DAB2IP: variants seen among roughly 807,000 people sequenced by gnomAD.
The protein encoded by DAB2IP is disabled homolog 2-interacting protein.
A neutral mutation model predicts 107.2 loss-of-function variants in DAB2IP; 28 were observed. That is an observed-to-expected ratio of 0.26 (90% CI 0.19 to 0.36). The LOEUF is 0.36. Among genes scored for constraint, DAB2IP ranks in the 10% least tolerant of loss-of-function variants. DAB2IP has a pLI of 1.00. For synonymous variants in DAB2IP, 755 were observed against 706.4 expected (o/e 1.07, Z -1.09); for missense variants, 1,400 against 1,644.7 (o/e 0.85, Z 2.57).
chr9:121,685,313 G>C (rs1020952378), intron 2 of DAB2IP, among the ~76,000 whole-genome samples: 3 of 152,206 alleles, frequency 2.0e-5, no homozygotes, highest in Non-Finnish European at 2.9e-5. Flanking sequence ...GGAGTTGTCC[G>C]GGGTGGCCAG....
chr9:121,646,812 C>T (rs1314358809), upstream of DAB2IP, among the ~76,000 whole-genome samples: 3 of 152,242 alleles, frequency 2.0e-5, no homozygotes, highest in East Asian at 3.9e-4. Context: ...CTCTGCATTC[C>T]GTACTGCTCA....
chr9:121,783,439 A>T, exon 16 of DAB2IP: 1 of 1,611,022 alleles, frequency 6.2e-7, no homozygotes, highest in East Asian at 2.2e-5. Flanking sequence ...CCCTGAAAGA[A>T]AAGGTGATCC....
At chr9:121,613,179 C>T (rs568932228) in intron 1 of DAB2IP, among the ~76,000 whole-genome samples, 2 of 152,314 alleles carry the variant, frequency 1.3e-5, no homozygotes, top group East Asian at 1.9e-4. Flanking sequence ...TTTGAGGCTT[C>T]GGTGAGGTAA....
chr9:121,581,986 G>A (rs1830203350), intron 1 of DAB2IP, among the ~76,000 whole-genome samples: 1 of 152,204 alleles, frequency 6.6e-6, no homozygotes, highest in South Asian at 2.1e-4. Context: ...GCTGCCGGCT[G>A]GAACAAAAGA....
intron 1 of DAB2IP, among the ~76,000 whole-genome samples, chr9:121,585,857 A>AC: frequency 6.6e-6 from 1 of 151,148 alleles, no homozygotes; most frequent in South Asian, 2.1e-4. Context: ...TAAAAAAAAA[A>AC]ATAGAATGGG....
rs1832009516 is a variant in DAB2IP at position 121,634,510 on chromosome 9, G to C, written c.41-44168G>C. On this transcript the variant is annotated intron_variant, in intron 1 of 16. Coordinates refer to the DAB2IP transcript ENST00000259371. This position sits in a 1 kb window ranked among gnomAD's most constrained non-coding sequence, Gnocchi z 4.7. ...GGTGTCCCCTTGTGCCTAGAAAGCA[G>C]CCTCACTCCAGCACAAGCCTGGGCA... is the stretch of plus-strand genomic sequence containing the variant. Among the ~76,000 whole-genome samples, 1 of 152,196 alleles carries C rather than the reference G, an allele frequency of 6.6e-6. No homozygotes were observed. Among genetic ancestry groups the C allele is most frequent in the African/African-American group, 2.4e-5 (1 of 41,438 alleles).
intron 3 of DAB2IP, among the ~76,000 whole-genome samples, chr9:121,734,309 G>T (rs1038151691): frequency 6.7e-6 from 1 of 150,258 alleles, no homozygotes; most frequent in Non-Finnish European, 1.5e-5. Flanking sequence ...CCCAGGAAGC[G>T]GAGCTTGCAG....
At position 121,759,645 on chromosome 9, in the gene DAB2IP, A is replaced by G. The variant is rs555923371; in HGVS notation, c.616-240A>G. 2.0e-5 allele frequency among the ~76,000 whole-genome samples: 3 copies of G among 152,288 alleles called. No individual in the cohort carries two copies. In the South Asian group the frequency reaches 6.2e-4, roughly 32 times the overall value. ...TTACCTTAGTGCCGTTTCATAGACA[A>G]GCAACCCAAGGCTCCAGTTAAGTTG... is the stretch of plus-strand genomic sequence containing the variant. On this transcript the variant is annotated intron_variant, in intron 5 of 15. Transcript: ENST00000408936.
chr9:121,734,115 C>T (rs1306342873), intron 3 of DAB2IP, among the ~76,000 whole-genome samples: 4 of 140,670 alleles, frequency 2.8e-5, no homozygotes, highest in Admixed American at 2.0e-4. Context: ...CGGTGGCTCA[C>T]GCCTGTAATC....
At chr9:121,571,989 G>T (rs1213414079) in intron 1 of DAB2IP, among the ~76,000 whole-genome samples, 1 of 135,672 alleles carries the variant, frequency 7.4e-6, no homozygotes, top group Admixed American at 7.2e-5. Flanking sequence ...GTGACGGCCA[G>T]ACAAGATGTG....
chr9:121,600,099 C>T (rs1397674855), intron 1 of DAB2IP, among the ~76,000 whole-genome samples: 9 of 152,014 alleles, frequency 5.9e-5, no homozygotes, highest in Non-Finnish European at 2.9e-5. Flanking sequence ...GGCCCGCGGG[C>T]GGCGGGAGTT....
At position 121,689,992 on chromosome 9, in the gene DAB2IP, G is replaced by A. The variant is rs569202189; in HGVS notation, c.229-9333G>A. On this transcript the variant is annotated intron_variant, in intron 2 of 15. Transcript: ENST00000408936. The stretch of plus-strand genomic sequence containing the variant: ...CAGCTCTGCCGCTTCCTGACCGTGC[G>A]GTGCTGTGCAAATTAGTTGCCCTTT... 2.0e-5 allele frequency among the ~76,000 whole-genome samples: 3 copies of A among 152,290 alleles called. No individual in the cohort carries two copies. In the South Asian group the frequency reaches 6.2e-4, roughly 32 times the overall value.
chr9:121,648,437 A>G (rs1459750347), upstream of DAB2IP, among the ~76,000 whole-genome samples: 2 of 151,314 alleles, frequency 1.3e-5, no homozygotes, highest in Admixed American at 1.3e-4. Flanking sequence ...GGGGGCTGAA[A>G]TGGGTTGGGG....
chr9:121,699,439 GCCGCCGCGGACAATGAGAGGTGAGC>G lies in DAB2IP; in HGVS notation c.351_362+13del. ...GCCGGGGTTCCGGAGCGCCGCCGCCGCCGCCGCGGACAATGAGAGGTGAGCCCGCCGCCGCCGCCCGGTCCCCCGC... is the reference window on the plus strand; with the variant it reads ...GCCGGGGTTCCGGAGCGCCGCCGCCGCCGCCGCCGCCGCCCGGTCCCCCGC... On this transcript the variant is annotated splice_donor_variant and splice_donor_5th_base_variant and coding_sequence_variant and intron_variant, in exon 3 of 16. Coordinates refer to ENST00000408936, the Ensembl canonical transcript of DAB2IP. LOFTEE classifies it high-confidence loss of function. This position sits in a 1 kb window ranked among gnomAD's most constrained non-coding sequence, Gnocchi z 6.2. 6.9e-7 allele frequency: 1 copy of G among 1,442,870 alleles called. No homozygotes were observed. Among genetic ancestry groups the G allele is most frequent in the Non-Finnish European group, 9.2e-7 (1 of 1,086,030 alleles). 89.4% of individuals were successfully genotyped at this position (1,442,870 alleles called of 1,614,324 possible).
chr9:121,766,794 G>A lies in DAB2IP; in HGVS notation c.1697+64G>A, dbSNP rs1031455786. On this transcript the variant is annotated intron_variant, in intron 9 of 15. Coordinates refer to ENST00000408936, the Ensembl canonical transcript of DAB2IP. ...GCTGGTGTCCACAGGGCAGGCCCTG[G>A]GGGTGTTTCTGCCCCCAAGCTGAGC... 5 of 1,532,026 alleles carry A rather than the reference G, an allele frequency of 3.3e-6. No individual in the cohort carries two copies. The African/African-American group carries it at 5.4e-5, about 17-fold the overall frequency. 94.9% of individuals were successfully genotyped at this position (1,532,026 alleles called of 1,614,324 possible).
At position 121,772,891 on chromosome 9, in the gene DAB2IP, G is replaced by A. The variant is rs576576520; in HGVS notation, c.2363G>A (p.Arg788Gln). 40 of 1,576,790 alleles carry A rather than the reference G, an allele frequency of 2.5e-5. No individual in the cohort carries two copies. The highest frequency in any genetic ancestry group is 2.3e-4 in the South Asian group (20 of 86,088). Residue 788 changes from arginine (R) to glutamine (Q), a missense_variant, in exon 12 of 16, where the codon CGG becomes CAG. Arg to Gln is a conservative substitution (Grantham distance 43). This residue lies in a region of DAB2IP where 600 missense variants were observed against 659.1 expected (regional missense o/e 0.91). Coordinates refer to ENST00000408936, the Ensembl canonical transcript of DAB2IP. This position sits in a 1 kb window ranked among gnomAD's most constrained non-coding sequence, Gnocchi z 4.7. ...CAGCTGGTGGCCGGGTGGCCGGCCC[G>A]GGCAACCCCAGTGAACCTGGCAGGG...
intron 10 of DAB2IP, 129 bp from the exon 11 acceptor site, chr9:121,770,417 C>A: frequency 9.7e-7 from 1 of 1,030,914 alleles, no homozygotes; most frequent in Non-Finnish European, 1.4e-6. Context: ...GTGGCTCTGA[C>A]TGGCAGCAGG....
intron 3 of DAB2IP, among the ~76,000 whole-genome samples, chr9:121,730,169 GC>G (rs1245543927): frequency 6.6e-6 from 1 of 152,178 alleles, no homozygotes; most frequent in Non-Finnish European, 1.5e-5. Context: ...CTTTTCACAG[GC>G]CTAATGACTC....
chr9:121,660,772 C>T (rs998210702), intron 1 of DAB2IP, among the ~76,000 whole-genome samples: 1 of 152,108 alleles, frequency 6.6e-6, no homozygotes, highest in African/African-American at 2.4e-5. Context: ...TAGAACATTC[C>T]TTTTATGCAA....
Sources: allele counts gnomAD v4.1 joint callset (sites outside exome capture counted in the v4.1 genomes callset), GRCh38; gene constraint gnomAD v4.1.1; regional missense constraint gnomAD v4.1.1; non-coding constraint Gnocchi (gnomAD v3.1); transcripts MANE v1.5; gene names NCBI Gene and HGNC (gene_info 2026-07-23, HGNC 2026-07-21).